The following ADGRG7 variants were observed in gnomAD, a reference collection of about 807,000 sequenced individuals.
ADGRG7 encodes the protein G-protein coupled receptor 128.
Under a neutral mutation model 88.6 loss-of-function variants are expected in ADGRG7, and 82 were observed. The observed-to-expected ratio is 0.93, with a 90% CI of 0.77 to 1.11. The LOEUF (loss-of-function observed/expected upper bound fraction) is 1.11, where lower values mean the gene tolerates loss of function less well. Among genes scored for constraint, ADGRG7 ranks in the 50% most tolerant of loss-of-function variants. ADGRG7 has a pLI of 0.00. For synonymous variants in ADGRG7, 381 were observed against 345.2 expected, an observed-to-expected ratio of 1.10 and a Z score of -1.15; for missense variants, 945 against 953.4, an observed-to-expected ratio of 0.99 and a Z score of 0.12.
At chr3:100,664,381 C>T (rs1440445897) in intron 14 of ADGRG7, among the ~76,000 whole-genome samples, 1 of 152,120 alleles carries the variant, frequency 6.6e-6, no homozygotes, top group African/African-American at 2.4e-5. Flanking sequence ...TTACAACCCA[C>T]CAATTTCTAA....
chr3:100,684,742 C>G (rs1019253422), intron 15 of ADGRG7, among the ~76,000 whole-genome samples: 1 of 151,278 alleles, frequency 6.6e-6, no homozygotes, highest in Non-Finnish European at 1.5e-5. Flanking sequence ...GTATAACTTC[C>G]TCTATTTGGA....
chr3:100,643,219 T>C, intron 6 of ADGRG7, 47 bp from the exon 7 acceptor site: 1 of 1,566,964 alleles, frequency 6.4e-7, no homozygotes, highest in Non-Finnish European at 8.7e-7. Flanking sequence ...ATACCTTTCA[T>C]TTTATGACAA....
chr3:100,673,544 C>T (rs1165348), intron 15 of ADGRG7, among the ~76,000 whole-genome samples: 125,141 of 150,902 alleles, frequency 0.83, 55,730 homozygotes, highest in Non-Finnish European at 0.99. Context: ...TCACTGCAAC[C>T]TCTGCCTCCT....
chr3:100,650,302 C>G (rs6767460), intron 11 of ADGRG7, among the ~76,000 whole-genome samples: 93,547 of 152,108 alleles, frequency 0.62, 30,302 homozygotes, highest in East Asian at 0.99. Flanking sequence ...AAATACTTCT[C>G]TCCACCTTGA....
At chr3:100,668,446 G>A (rs2094954373) in intron 14 of ADGRG7, among the ~76,000 whole-genome samples, 1 of 152,158 alleles carries the variant, frequency 6.6e-6, no homozygotes, top group Non-Finnish European at 1.5e-5. Flanking sequence ...GTCTCTGCTT[G>A]ATAAATTTGC....
At chr3:100,631,065 G>C (rs1390457413) in intron 3 of ADGRG7, among the ~76,000 whole-genome samples, 1 of 151,896 alleles carries the variant, frequency 6.6e-6, no homozygotes, top group Admixed American at 6.6e-5. Context: ...TATTTTTCCA[G>C]CTTTTGCTTT....
chr3:100,690,080 T>G (rs2094990619), intron 15 of ADGRG7, among the ~76,000 whole-genome samples: 1 of 152,232 alleles, frequency 6.6e-6, no homozygotes, highest in South Asian at 2.1e-4. Flanking sequence ...TTTCTTTTTA[T>G]TCTTTTTTCT....
chr3:100,691,880 C>T (rs4928080), intron 15 of ADGRG7, among the ~76,000 whole-genome samples: 39,246 of 151,916 alleles, frequency 0.26, 5,676 homozygotes, highest in East Asian at 0.54. Flanking sequence ...TCAACTAGAA[C>T]ATCAGTACTC....
chr3:100,613,693 A>G (rs1707188002), intron 1 of ADGRG7, among the ~76,000 whole-genome samples: 1 of 152,220 alleles, frequency 6.6e-6, no homozygotes, highest in Admixed American at 6.5e-5. Context: ...TTCTTGAACT[A>G]AGGGGCTAGA....
At chr3:100,636,485 A>C (rs1707543394) in intron 5 of ADGRG7, among the ~76,000 whole-genome samples, 1 of 152,196 alleles carries the variant, frequency 6.6e-6, no homozygotes, top group Non-Finnish European at 1.5e-5. Flanking sequence ...CTGGTACTTG[A>C]AAACAAGTAT....
intron 11 of ADGRG7, among the ~76,000 whole-genome samples, chr3:100,650,451 T>G (rs1461733360): frequency 6.6e-6 from 1 of 152,358 alleles, no homozygotes; most frequent in East Asian, 1.9e-4. Flanking sequence ...CTCTGTCAAC[T>G]TCACATTTCA....
chr3:100,688,169 G>T (rs2094986521), intron 15 of ADGRG7, among the ~76,000 whole-genome samples: 1 of 152,192 alleles, frequency 6.6e-6, no homozygotes, highest in Non-Finnish European at 1.5e-5. Flanking sequence ...TTGCATAGAG[G>T]TGTTTATAGT....
chr3:100,625,669 A>G (rs1707371019), intron 1 of ADGRG7, among the ~76,000 whole-genome samples: 1 of 152,234 alleles, frequency 6.6e-6, no homozygotes, highest in Non-Finnish European at 1.5e-5. Context: ...TGGTTTTATC[A>G]TAAACAGCTC....
intron 1 of ADGRG7, among the ~76,000 whole-genome samples, chr3:100,623,733 T>G (rs1707344440): frequency 6.6e-6 from 1 of 152,080 alleles, no homozygotes. Flanking sequence ...CCGGTGTGTG[T>G]TGTTCCCCTT....
chr3:100,640,290 C>T (rs1707618906), intron 6 of ADGRG7, among the ~76,000 whole-genome samples: 1 of 152,232 alleles, frequency 6.6e-6, no homozygotes, highest in South Asian at 2.1e-4. Context: ...TCACCCATTT[C>T]ACTTTGACTT....
chr3:100,659,905 C>T, intron 14 of ADGRG7, 62 bp downstream of exon 14: 1 of 1,460,850 alleles, frequency 6.8e-7, no homozygotes, highest in Non-Finnish European at 9.4e-7. Context: ...AACGCAGCAC[C>T]ATAACACATC....
intron 15 of ADGRG7, among the ~76,000 whole-genome samples, chr3:100,687,588 G>A (rs1034382583): frequency 3.3e-5 from 5 of 152,104 alleles, no homozygotes; most frequent in Admixed American, 2.6e-4. Context: ...TAGCACGAAG[G>A]GTTGTTGAAT....
At chr3:100,656,154 A>G (rs1261992462) in intron 13 of ADGRG7, among the ~76,000 whole-genome samples, 159 bp downstream of exon 13, 1 of 152,210 alleles carries the variant, frequency 6.6e-6, no homozygotes, top group African/African-American at 2.4e-5. Context: ...TATATTTTAA[A>G]TGTGATGACA....
intron 14 of ADGRG7, among the ~76,000 whole-genome samples, chr3:100,663,917 A>G (rs950245965): frequency 1.3e-5 from 2 of 152,038 alleles, no homozygotes; most frequent in Non-Finnish European, 2.9e-5. Context: ...TCCAGTTCAG[A>G]ATATCTTCTG....
Sources: allele counts gnomAD v4.1 joint callset (sites outside exome capture counted in the v4.1 genomes callset), GRCh38; gene constraint gnomAD v4.1.1; transcripts MANE v1.5; gene names NCBI Gene and HGNC (gene_info 2026-07-23, HGNC 2026-07-21).